Variants in UNC13D observed in about 807,000 individuals in gnomAD.
UNC13D encodes the protein unc-13 homolog D.
A neutral mutation model predicts 151.7 loss-of-function variants in UNC13D; 115 were observed. The ratio of observed to expected loss-of-function variants is 0.76; its 90% CI spans 0.65 to 0.88. The LOEUF (loss-of-function observed/expected upper bound fraction) is 0.88, where lower values mean the gene tolerates loss of function less well. Among genes scored for constraint, UNC13D ranks in the 40% least tolerant of loss-of-function variants. The pLI, the probability that UNC13D is intolerant of heterozygous loss-of-function variation, is 0.00. For missense variants in UNC13D, 1,369 were observed against 1,438.7 expected (o/e 0.95, Z 0.78); for synonymous variants, 588 against 612.2 (o/e 0.96, Z 0.58).
rs143256200 is a variant in UNC13D at position 75,843,635 on chromosome 17, G to A, written c.118-116C>T. Reference sequence around the variant, plus strand: ...AAGGGTATGGGGGCCCCAGCACCCCGGCCTCCAGCCCCAGTGATGCCCCGC... The same window carrying A: ...AAGGGTATGGGGGCCCCAGCACCCCAGCCTCCAGCCCCAGTGATGCCCCGC... On this transcript the variant is annotated intron_variant, in intron 1 of 31. Transcript: ENST00000207549. The A allele has an allele frequency of 1.1e-3, 1,627 of 1,527,970 alleles. 10 individuals carry two copies. In the African/African-American group the frequency reaches 0.012, roughly 11 times the overall value. 94.7% of individuals were successfully genotyped at this position (1,527,970 alleles called of 1,614,324 possible). A position where few individuals can be genotyped will look rare whatever the true frequency, so the allele number is the denominator to read the frequency against.
At chr17:75,834,187 T>G (rs1340563413) in intron 23 of UNC13D, 44 bp from the exon 24 acceptor site, 1 of 1,610,656 alleles carries the variant, frequency 6.2e-7, no homozygotes, top group Non-Finnish European at 8.5e-7. Flanking sequence ...AGGGCATGAG[T>G]CGGGGATGGA....
Position 75,830,120 on chromosome 17 carries a change from C to T in UNC13D, c.2862G>A (p.Leu954=), listed in dbSNP as rs777951171. Residue 954 remains leucine (L), a synonymous_variant, in exon 30 of 32, where the codon TTG becomes TTA. Transcript: ENST00000207549. ...GCTCAGGGAACTCATGCCTGGGCTC[C>T]AAGGTCAGCTGGACAAAGGGGTCGC... ...GSSDPFVQLT[L]EPRHEFPELA... The T allele has an allele frequency of 1.3e-5, 21 of 1,588,372 alleles. No individual in the cohort carries two copies. The highest frequency in any genetic ancestry group is 3.3e-4 in the Middle Eastern group (2 of 6,046).
At chr17:75,831,600 C>T (rs1599404581) in intron 25 of UNC13D, 1 of 558,546 alleles carries the variant, frequency 1.8e-6, no homozygotes, top group Admixed American at 3.1e-5. Context: ...CTCCCCAGCA[C>T]ACTAACGGAA....
chr17:75,843,459 T>G (rs1248169769), intron 2 of UNC13D, 25 bp downstream of exon 2: 1 of 1,599,130 alleles, frequency 6.3e-7, no homozygotes, highest in Admixed American at 1.7e-5. Context: ...CCCACCTCTC[T>G]GCACCCCAGC....
chr17:75,828,376 G>T (rs572384087), intron 31 of UNC13D, among the ~76,000 whole-genome samples: 1 of 152,344 alleles, frequency 6.6e-6, no homozygotes, highest in South Asian at 2.1e-4. Context: ...CCTAAAGCTA[G>T]CAAGTTAACC....
At chr17:75,843,962 G>T in intron 1 of UNC13D, 1 of 1,402,838 alleles carries the variant, frequency 7.1e-7, no homozygotes, top group South Asian at 1.5e-5. Flanking sequence ...GAGGAGTAGG[G>T]GATGGGGTCA....
At position 75,830,379 on chromosome 17, in the gene UNC13D, A is replaced by T. The variant is rs368779636; in HGVS notation, c.2813T>A (p.Leu938Gln). Reference sequence around the variant, plus strand: ...CCACTCACCATTGGAGTCCAGGGGCAGCAGGCTGGAGGCGCTGAGCAGCTC... The same window carrying T: ...CCACTCACCATTGGAGTCCAGGGGCTGCAGGCTGGAGGCGCTGAGCAGCTC... ...RVELLSASSLLPLDSNGSSDP... is the reference protein window; with the variant it reads ...RVELLSASSLQPLDSNGSSDP... Residue 938 changes from leucine to glutamine, a missense_variant, in exon 29 of 32, where the codon CTG (leucine) becomes CAG (glutamine). Around this residue, in one of 3 missense-constraint regions of UNC13D, gnomAD observed 807 missense variants for 795.5 expected, o/e 1.01. Transcript: ENST00000207549. 3.2e-5 allele frequency: 51 copies of T among 1,591,560 alleles called. No homozygotes were observed. The highest frequency in any genetic ancestry group is 4.2e-5 in the Non-Finnish European group (49 of 1,170,872).
chr17:75,831,037 G>T, intron 27 of UNC13D, 61 bp downstream of exon 27: 1 of 1,593,612 alleles, frequency 6.3e-7, no homozygotes, highest in Middle Eastern at 1.7e-4. Flanking sequence ...CTGGACATAG[G>T]TGAGTGCCAA....
At chr17:75,834,585 C>A in intron 22 of UNC13D, 33 bp downstream of exon 22, 1 of 1,613,234 alleles carries the variant, frequency 6.2e-7, no homozygotes, top group African/African-American at 1.3e-5. Context: ...TCCCCACACC[C>A]AGCTAGACTC....
chr17:75,836,634 C>T lies in UNC13D; in HGVS notation c.1236G>A (p.Arg412=). 2 of 1,613,806 alleles carry T rather than the reference C, an allele frequency of 1.2e-6. No homozygotes were observed. Among genetic ancestry groups the T allele is most frequent in the Non-Finnish European group, 1.7e-6 (2 of 1,180,030 alleles). Residue 412 remains arginine, a synonymous_variant, in exon 14 of 32, where the codon AGG becomes AGA. Transcript: ENST00000207549. ...CAGAGAGGGGGAAGACAGAGCGGAA[C>T]CTCCGGATGAGGGAGAGGCCGTAGG... ...LLTYGLSLIR[R]FRSVFPLSVS...
rs769353559 is a variant in UNC13D, at chr17:75,835,426, C to T, written c.1831G>A (p.Ala611Thr). Reference protein sequence around the residue: ...YNEALARVQRAVQMDELVPLG... With the variant: ...YNEALARVQRTVQMDELVPLG... Reference sequence around the variant, plus strand: ...GCCCCCACCTCATCCATCTGCACAGCGCGCTGCACCCGCGCCAGGGCCTCG... The same window carrying T: ...GCCCCCACCTCATCCATCTGCACAGTGCGCTGCACCCGCGCCAGGGCCTCG... The change falls in exon 20 of 32, where the codon GCT (alanine) becomes ACT (threonine). Residue 611 changes from alanine (A) to threonine (T), a missense_variant. Physicochemically the swap from Ala to Thr is moderately conservative, Grantham distance 58 (BLOSUM62 0). Coordinates refer to ENST00000207549, the MANE Select transcript of UNC13D (RefSeq NM_199242.3). 10 of 1,612,440 alleles carry T rather than the reference C, an allele frequency of 6.2e-6. No homozygotes were observed. The highest frequency in any genetic ancestry group is 1.7e-4 in the Middle Eastern group (1 of 5,898).
chr17:75,832,261 C>G lies in UNC13D; in HGVS notation c.2447+705G>C, dbSNP rs973339555. On this transcript the variant is annotated intron_variant, in intron 25 of 31. Coordinates refer to ENST00000207549, the MANE Select transcript of UNC13D (RefSeq NM_199242.3). This position sits in a 1 kb window ranked among gnomAD's most constrained non-coding sequence, Gnocchi z 4.3. ...GCCCAGATTCCACAGGGAGGTGGGG[C>G]GCTGTCATCATCATCGTCACTACCG... 2.6e-5 allele frequency: 4 copies of G among 152,276 alleles called. No individual in the cohort carries two copies. The highest frequency in any genetic ancestry group is 9.7e-5 in the African/African-American group (4 of 41,450). The allele number at this position is 152,276 out of a possible 1,614,324, so 9.4% of individuals were successfully genotyped here.
chr17:75,836,820 C>T lies in UNC13D; in HGVS notation c.1154G>A (p.Gly385Asp), dbSNP rs2064912641. 6.2e-7 allele frequency: 1 copy of T among 1,613,874 alleles called. No individual in the cohort carries two copies. The highest frequency in any genetic ancestry group is 1.3e-5 in the African/African-American group (1 of 74,930). ...ITSIEYQWIQ[G>D]RLKAEQQEEL... ...GCCTACCTGTTCTGCCTTGAGCCGA[C>T]CCTGGATCCACTGGTACTCGATGCT... The change falls in exon 13 of 32, where the codon GGT (glycine) becomes GAT (aspartate). Residue 385 changes from glycine (G) to aspartate (D), a missense_variant. Gly to Asp is a moderately conservative substitution (Grantham distance 94). Around this residue, in one of 3 missense-constraint regions of UNC13D, gnomAD observed 550 missense variants for 609.0 expected, o/e 0.90. Coordinates refer to ENST00000207549, the MANE Select transcript of UNC13D (RefSeq NM_199242.3).
At chr17:75,839,138 C>T (rs1185229537) in intron 12 of UNC13D, among the ~76,000 whole-genome samples, 1 of 151,782 alleles carries the variant, frequency 6.6e-6, no homozygotes, top group African/African-American at 2.4e-5. Context: ...TGCAGTGGCT[C>T]ATGCCTATAA....
At position 75,830,580 on chromosome 17, in the gene UNC13D, G is replaced by T; in HGVS notation, c.2707C>A (p.Gln903Lys). Reference protein sequence around the residue: ...RKYFCSRIQQQAETTSEELGA... With the variant: ...RKYFCSRIQQKAETTSEELGA... ...GCAGTGCGAGGGAGGGGCCTCACCT[G>T]CTGCTGGATTCGGCTGCAGAAGTAC... Residue 903 changes from glutamine (Q) to lysine (K), a missense_variant and splice_region_variant, in exon 28 of 32, where the codon CAG becomes AAG. Transcript: ENST00000207549. 6.4e-7 allele frequency: 1 copy of T among 1,562,970 alleles called. No homozygotes were observed. The highest frequency in any genetic ancestry group is 1.2e-5 in the South Asian group (1 of 85,128).
In UNC13D at chr17:75,834,618, C is replaced by A; in HGVS notation, c.2091G>T (p.Met697Ile). The change falls in exon 22 of 32, where the codon ATG becomes ATT. Residue 697 changes from methionine (M) to isoleucine (I), a missense_variant and splice_region_variant. Met to Ile is a conservative substitution (Grantham distance 10, BLOSUM62 1). Coordinates refer to ENST00000207549, the MANE Select transcript of UNC13D (RefSeq NM_199242.3). ...CTCCCAGCCCCAGCTCTGGCCTTACCATGTTGGCTGCCTGGCCTTGGTCCT... is the reference window on the plus strand; with the variant it reads ...CTCCCAGCCCCAGCTCTGGCCTTACAATGTTGGCTGCCTGGCCTTGGTCCT... ...GQKDQGQAANMLCVVVNDMEQ... is the reference protein window; with the variant it reads ...GQKDQGQAANILCVVVNDMEQ... 1.2e-6 allele frequency: 2 copies of A among 1,613,838 alleles called. No homozygotes were observed. Among genetic ancestry groups the A allele is most frequent in the Non-Finnish European group, 1.7e-6 (2 of 1,180,036 alleles).
In UNC13D at chr17:75,840,751, G is replaced by A. The variant is rs761337590; in HGVS notation, c.683+11C>T. ...CCCCAACCCCTTCCCTGTGAGCCCT[G>A]CAACACGAACCTGCGAAGCCCATGC... is the stretch of plus-strand genomic sequence containing the variant. On this transcript the variant is annotated intron_variant, in intron 8 of 31. Transcript: ENST00000207549. The surrounding 1 kb of genome is among the most constrained non-coding windows in gnomAD (Gnocchi z 4.6). The A allele has an allele frequency of 6.2e-7, 1 of 1,613,900 alleles. No homozygotes were observed. The highest frequency in any genetic ancestry group is 8.5e-7 in the Non-Finnish European group (1 of 1,180,034).
chr17:75,830,326 G>T, intron 29 of UNC13D, 36 bp downstream of exon 29: 2 of 1,586,746 alleles, frequency 1.3e-6, no homozygotes, highest in Middle Eastern at 2.3e-4. Context: ...GCCAGGACGG[G>T]ACCATGGAGA....
Position 75,833,098 on chromosome 17 carries a change from C to T in UNC13D, c.2368-53G>A, listed in dbSNP as rs2064883479. 2.6e-6 allele frequency: 4 copies of T among 1,530,512 alleles called. No individual in the cohort carries two copies. The highest frequency in any genetic ancestry group is 3.6e-6 in the Non-Finnish European group (4 of 1,126,090). 94.8% of individuals were successfully genotyped at this position (1,530,512 alleles called of 1,614,324 possible). A position where few individuals can be genotyped will look rare whatever the true frequency, so the allele number is the denominator to read the frequency against. On this transcript the variant is annotated intron_variant, in intron 24 of 31. Transcript: ENST00000207549. This position sits in a 1 kb window ranked among gnomAD's most constrained non-coding sequence, Gnocchi z 4.0. ...GGCTCCGGCCCATGTTGGCCCCACC[C>T]CCATCCCCTTCCCCTGACCTGGAGG...
Sources: allele counts gnomAD v4.1 joint callset (sites outside exome capture counted in the v4.1 genomes callset), GRCh38; gene constraint gnomAD v4.1.1; regional missense constraint gnomAD v4.1.1; non-coding constraint Gnocchi (gnomAD v3.1); transcripts MANE v1.5; gene names NCBI Gene and HGNC (gene_info 2026-07-23, HGNC 2026-07-21).